Variants in RGS12 observed in about 807,000 individuals in gnomAD.
RGS12 encodes the protein regulator of G protein signaling 12, also known as regulator of G-protein signaling 12.
A neutral mutation model predicts 120.1 loss-of-function variants in RGS12; 66 were observed. The ratio of observed to expected loss-of-function variants is 0.55; its 90% confidence interval spans 0.45 to 0.67. The LOEUF (loss-of-function observed/expected upper bound fraction) is 0.67. Among genes scored for constraint, RGS12 ranks in the 30% least tolerant of loss-of-function variants. The pLI is 0.00. For synonymous variants in RGS12, 827 were observed against 804.7 expected (o/e 1.03, Z -0.47); for missense variants, 1,859 against 1,957.7 (o/e 0.95, Z 0.95).
chr4:3,429,169 G>T (rs1330348528), intron 16 of RGS12, among the ~76,000 whole-genome samples: 2 of 152,140 alleles, frequency 1.3e-5, no homozygotes, highest in Admixed American at 1.3e-4. Context: ...AGCTCTCTTG[G>T]CTGCGGGGGT....
chr4:3,432,624 C>T (rs116389749), intron 17 of RGS12, among the ~76,000 whole-genome samples: 106 of 152,344 alleles, frequency 7.0e-4, no homozygotes, highest in African/African-American at 2.3e-3. Flanking sequence ...CCCAGCTGAG[C>T]GCCCCGGCTG....
intron 2 of RGS12, among the ~76,000 whole-genome samples, chr4:3,330,561 G>A (rs556712584): frequency 1.3e-5 from 2 of 152,288 alleles, no homozygotes; most frequent in Non-Finnish European, 2.9e-5. Flanking sequence ...ACAGTGCCTG[G>A]CAGTTAGAAG....
At chr4:3,399,571 T>C (rs2109027154) in intron 4 of RGS12, among the ~76,000 whole-genome samples, 1 of 152,368 alleles carries the variant, frequency 6.6e-6, no homozygotes, top group South Asian at 2.1e-4. Context: ...AACAACTTTA[T>C]ACTGTACATT....
intron 1 of RGS12, chr4:3,312,493 A>G (rs1724469202): frequency 4.5e-6 from 1 of 220,506 alleles, no homozygotes; most frequent in Non-Finnish European, 9.9e-6. Context: ...CCCACTACTG[A>G]GAAGCAGCCG....
chr4:3,349,902 C>T (rs1474772439), intron 3 of RGS12, among the ~76,000 whole-genome samples: 2 of 152,164 alleles, frequency 1.3e-5, no homozygotes, highest in Non-Finnish European at 2.9e-5. Flanking sequence ...TTATGAGTAT[C>T]ATTTAATTTA....
In RGS12 at chr4:3,316,223, CA is replaced by C; in HGVS notation, c.55del (p.Arg19GlyfsTer30). 6.2e-7 allele frequency: 1 copy of C among 1,607,558 alleles called. No individual in the cohort carries two copies. Among genetic ancestry groups the C allele is most frequent in the Non-Finnish European group, 8.5e-7 (1 of 1,175,862 alleles). On this transcript the variant is annotated frameshift_variant, in exon 2 of 18. Transcript: ENST00000336727. LOFTEE classifies it high-confidence loss of function. ...SKRPLPGPSPPRVRSVEVARG... is the reference protein window; with the variant it reads ...SKRPLPGPSPXRVRSVEVARG... ...CGCCCATTGCCTGGGCCGTCGCCCCCAAGGGTGCGGAGTGTGGAGGTTGCCC... is the reference window on the plus strand; with the variant it reads ...CGCCCATTGCCTGGGCCGTCGCCCCCAGGGTGCGGAGTGTGGAGGTTGCCC...
chr4:3,430,165 C>T (rs148910112), intron 16 of RGS12, among the ~76,000 whole-genome samples: 117 of 152,308 alleles, frequency 7.7e-4, no homozygotes, highest in African/African-American at 2.6e-3. Context: ...CCTCACACAG[C>T]GTGGTTTTTA....
chr4:3,342,843 A>T, intron 2 of RGS12, 94 bp from the exon 3 acceptor site: 1 of 853,956 alleles, frequency 1.2e-6, no homozygotes, highest in Non-Finnish European at 2.0e-6. Flanking sequence ...TTTGTTCCAC[A>T]GTATTCCTTG....
intron 4 of RGS12, 167 bp from the exon 5 acceptor site, chr4:3,413,905 G>A: frequency 1.5e-6 from 1 of 661,026 alleles, no homozygotes; most frequent in South Asian, 2.1e-5. Context: ...CCTGTGTGTA[G>A]AATGCACTGG....
chr4:3,326,256 T>G (rs906807243), intron 2 of RGS12, among the ~76,000 whole-genome samples: 3 of 151,552 alleles, frequency 2.0e-5, no homozygotes, highest in African/African-American at 7.3e-5. Context: ...TGACATAATC[T>G]TTTTTTTTGA....
At chr4:3,352,298 G>A (rs936534096) in intron 3 of RGS12, among the ~76,000 whole-genome samples, 3 of 152,130 alleles carry the variant, frequency 2.0e-5, no homozygotes, top group Non-Finnish European at 1.5e-5. Context: ...AAAAATGGGA[G>A]GCTTGGTTTG....
intron 2 of RGS12, among the ~76,000 whole-genome samples, chr4:3,322,486 A>C (rs1725267083): frequency 6.6e-6 from 1 of 152,170 alleles, no homozygotes; most frequent in Admixed American, 6.5e-5. Context: ...AGAACCCAGG[A>C]TCTCGAAATG....
rs145474629 is a variant in RGS12 at position 3,387,591 on chromosome 4, G to A, written c.2020+1154G>A. Among the ~76,000 whole-genome samples, 108 of 152,316 alleles carry A rather than the reference G, an allele frequency of 7.1e-4. 2 individuals are homozygous for A. The East Asian group carries it at 0.017, about 24-fold the overall frequency. ...TGGAGATGTATTTTGTAGAATAAAA[G>A]GAATTCTATTTCCTATTTTATGTAC... is the stretch of plus-strand genomic sequence containing the variant. On this transcript the variant is annotated intron_variant, in intron 4 of 17. Coordinates refer to ENST00000336727, the MANE Select transcript of RGS12 (RefSeq NM_001394154.1).
intron 4 of RGS12, among the ~76,000 whole-genome samples, chr4:3,403,462 G>C (rs1047150592): frequency 3.3e-5 from 5 of 152,240 alleles, no homozygotes; most frequent in Non-Finnish European, 7.3e-5. Flanking sequence ...GGAGAATGTG[G>C]AGTCTGGGCC....
chr4:3,292,506 A>G (rs1184087818), upstream of RGS12, among the ~76,000 whole-genome samples: 1 of 152,124 alleles, frequency 6.6e-6, no homozygotes, highest in Non-Finnish European at 1.5e-5. Flanking sequence ...CCAGCCGAAA[A>G]GCCAGGGCGC....
intron 3 of RGS12, among the ~76,000 whole-genome samples, chr4:3,362,417 G>A (rs1192181054): frequency 1.3e-5 from 2 of 150,476 alleles, no homozygotes; most frequent in African/African-American, 4.9e-5. Flanking sequence ...GGGTGTATCT[G>A]TGAGGGTATG....
At chr4:3,407,897 C>T (rs1721332253) in intron 4 of RGS12, among the ~76,000 whole-genome samples, 1 of 152,202 alleles carries the variant, frequency 6.6e-6, no homozygotes, top group Admixed American at 6.5e-5. Context: ...GCGGCTTTTC[C>T]AATTAGCAGC....
At chr4:3,412,794 TGG>T (rs1683806632) in intron 4 of RGS12, among the ~76,000 whole-genome samples, 1 of 152,264 alleles carries the variant, frequency 6.6e-6, no homozygotes, top group Non-Finnish European at 1.5e-5. Context: ...CAGCAGGGCA[TGG>T]CTCAGCTGCA....
intron 1 of RGS12, chr4:3,315,079 G>T (rs1338493184): frequency 2.6e-5 from 4 of 152,242 alleles, no homozygotes; most frequent in Non-Finnish European, 2.9e-5. Context: ...CCCTGGTGAC[G>T]ACACTGCACA....
Sources: allele counts gnomAD v4.1 joint callset (sites outside exome capture counted in the v4.1 genomes callset), GRCh38; gene constraint gnomAD v4.1.1; transcripts MANE v1.5; gene names NCBI Gene and HGNC (gene_info 2026-07-23, HGNC 2026-07-21).